IDE: variants seen among roughly 807,000 people sequenced by gnomAD.
IDE encodes the protein insulin degrading enzyme.
Under a neutral mutation model 133.2 loss-of-function variants are expected in IDE, and 58 were observed. That is an observed-to-expected ratio of 0.44 (90% CI 0.35 to 0.54). The LOEUF (loss-of-function observed/expected upper bound fraction) is 0.54. IDE is among the 20% of genes least tolerant of loss of function. The pLI is 0.00. For synonymous variants in IDE, 396 were observed against 421.3 expected (o/e 0.94, Z 0.73); for missense variants, 981 against 1,234.0 (o/e 0.79, Z 3.07).
chr10:92,454,139 G>A lies in IDE; in HGVS notation c.*305C>T, dbSNP rs1844868116. 4.8e-6 allele frequency: 1 copy of A among 210,188 alleles called. No homozygotes were observed. The highest frequency in any genetic ancestry group is 2.3e-5 in the African/African-American group (1 of 43,122). The allele number at this position is 210,188 out of a possible 1,614,324, so 13.0% of individuals were successfully genotyped here. On this transcript the variant is annotated 3_prime_UTR_variant, in exon 25 of 25. Transcript: ENST00000265986. Reference sequence around the variant, plus strand: ...GGACAAGTGACTATTTTACAGAATAGGGAAGGAAGATTCTATAGGAATATC... The same window carrying A: ...GGACAAGTGACTATTTTACAGAATAAGGAAGGAAGATTCTATAGGAATATC...
intron 10 of IDE, among the ~76,000 whole-genome samples, chr10:92,506,054 T>G (rs115027880): frequency 6.6e-6 from 1 of 151,730 alleles, no homozygotes; most frequent in Non-Finnish European, 1.5e-5. Context: ...AAGAGGAAAA[T>G]AGGGATCGCA....
chr10:92,499,360 G>T (rs1847886161), intron 11 of IDE, among the ~76,000 whole-genome samples: 1 of 151,834 alleles, frequency 6.6e-6, no homozygotes, highest in Non-Finnish European at 1.5e-5. Context: ...GGCCAGGCTG[G>T]TCTTGAACTC....
At chr10:92,508,288 G>T in intron 7 of IDE, 83 bp from the exon 8 acceptor site, 1 of 1,011,418 alleles carries the variant, frequency 9.9e-7, no homozygotes, top group Non-Finnish European at 1.5e-6. Flanking sequence ...AATTCATACT[G>T]TATGTTCCTA....
intron 4 of IDE, among the ~76,000 whole-genome samples, chr10:92,516,755 G>A (rs577206243): frequency 6.6e-6 from 1 of 152,266 alleles, no homozygotes; most frequent in African/African-American, 2.4e-5. Context: ...TCATAGATGT[G>A]ATCTAGACTG....
At chr10:92,501,663 C>A (rs569686241) in intron 11 of IDE, among the ~76,000 whole-genome samples, 1 of 144,240 alleles carries the variant, frequency 6.9e-6, no homozygotes, top group African/African-American at 2.6e-5. Flanking sequence ...AGCGAGACTC[C>A]GTCTAAAAAA....
At chr10:92,537,614 TCA>T in intron 1 of IDE, 64 bp from the exon 2 acceptor site, 1 of 1,215,300 alleles carries the variant, frequency 8.2e-7, no homozygotes. Flanking sequence ...AACAATAACG[TCA>T]AGTAAACCCA....
At chr10:92,467,550 G>A (rs1006113190) in intron 19 of IDE, among the ~76,000 whole-genome samples, 1 of 152,164 alleles carries the variant, frequency 6.6e-6, no homozygotes, top group African/African-American at 2.4e-5. Flanking sequence ...AGGGTACTTA[G>A]GAGGCAAAAG....
At position 92,479,351 on chromosome 10, in the gene IDE, G is replaced by C; in HGVS notation, c.1810C>G (p.Leu604Val). ...TCTGCTGCATATGCATACTCGTTGA[G>C]TGAGTCTTTGAGGAGCTCAAGGTAC... ...YLYLELLKDS[L>V]NEYAYAAELA... Residue 604 changes from leucine (L) to valine (V), a missense_variant, in exon 15 of 25, where the codon CTC (leucine) becomes GTC (valine). Leu to Val is a conservative substitution (Grantham distance 32). This residue lies in a region of IDE where 660 missense variants were observed against 894.7 expected (regional missense o/e 0.74). Transcript: ENST00000265986. The C allele has an allele frequency of 6.2e-7, 1 of 1,613,464 alleles. No individual in the cohort carries two copies. Among genetic ancestry groups the C allele is most frequent in the Non-Finnish European group, 8.5e-7 (1 of 1,179,360 alleles).
At chr10:92,564,408 A>T (rs1423164637) in intron 1 of IDE, among the ~76,000 whole-genome samples, 1 of 152,174 alleles carries the variant, frequency 6.6e-6, no homozygotes, top group Non-Finnish European at 1.5e-5. Flanking sequence ...AAGGTAACTT[A>T]CACCTGTAAT....
chr10:92,482,308 A>C (rs1299628075), intron 14 of IDE, among the ~76,000 whole-genome samples: 1 of 152,250 alleles, frequency 6.6e-6, no homozygotes, highest in Non-Finnish European at 1.5e-5. Flanking sequence ...AAACTCACAA[A>C]GTAAAATCTG....
chr10:92,573,706 C>A (rs1346266401), intron 1 of IDE, among the ~76,000 whole-genome samples: 2 of 152,244 alleles, frequency 1.3e-5, no homozygotes. Context: ...AGGGACGTCC[C>A]CGACTCTGGA....
At chr10:92,538,913 A>G (rs1842157286) in intron 1 of IDE, among the ~76,000 whole-genome samples, 1 of 152,172 alleles carries the variant, frequency 6.6e-6, no homozygotes, top group African/African-American at 2.4e-5. Flanking sequence ...CTTCTTACCT[A>G]CAAGACAAAA....
At chr10:92,465,620 G>C in intron 20 of IDE, 56 bp downstream of exon 20, 1 of 1,463,106 alleles carries the variant, frequency 6.8e-7, no homozygotes, top group East Asian at 2.3e-5. Context: ...TGTTTTACAG[G>C]GAAAATAATT....
chr10:92,538,960 T>C (rs1038643470), intron 1 of IDE, among the ~76,000 whole-genome samples: 5 of 152,198 alleles, frequency 3.3e-5, no homozygotes, highest in African/African-American at 1.2e-4. Context: ...GACTGACAGC[T>C]AGATTTAAAC....
At chr10:92,539,948 A>G (rs1355335565) in intron 1 of IDE, among the ~76,000 whole-genome samples, 1 of 152,040 alleles carries the variant, frequency 6.6e-6, no homozygotes, top group Non-Finnish European at 1.5e-5. Flanking sequence ...GGAACCTCAG[A>G]TAACAGTCCT....
rs980088177 is a variant in IDE, at chr10:92,531,723, T to C, written c.661+25A>G. ...GCAGTGGCCATGGGTTTAAATGAGGTCAAGGAAAGCAGCTGTTGACAAACC... is the reference window on the plus strand; with the variant it reads ...GCAGTGGCCATGGGTTTAAATGAGGCCAAGGAAAGCAGCTGTTGACAAACC... On this transcript the variant is annotated intron_variant, in intron 4 of 24. Coordinates refer to ENST00000265986, the MANE Select transcript of IDE (RefSeq NM_004969.4). 5.9e-6 allele frequency: 9 copies of C among 1,519,404 alleles called. No individual in the cohort carries two copies. In the African/African-American group the frequency reaches 8.2e-5, roughly 14 times the overall value. The allele number at this position is 1,519,404 out of a possible 1,614,324, so 94.1% of individuals were successfully genotyped here. A position where few individuals can be genotyped will look rare whatever the true frequency, so the allele number is the denominator to read the frequency against.
chr10:92,457,819 A>C (rs1845110952), intron 22 of IDE, among the ~76,000 whole-genome samples: 1 of 152,166 alleles, frequency 6.6e-6, no homozygotes. Context: ...GTTGCACAGC[A>C]ATCCTGCCCG....
chr10:92,509,620 AC>A, intron 6 of IDE, among the ~76,000 whole-genome samples: 1 of 151,776 alleles, frequency 6.6e-6, no homozygotes, highest in African/African-American at 2.4e-5. Context: ...AAACAAACAA[AC>A]AAAAAACACT....
rs144649005 is a variant in IDE at position 92,554,606 on chromosome 10, G to C, written c.99-17056C>G. The stretch of plus-strand genomic sequence containing the variant: ...CTCATGCCTGTAATCCCAACACTTT[G>C]AGAGGCCAAGGCAGGCGGATCACTT... On this transcript the variant is annotated intron_variant, in intron 1 of 24. Transcript: ENST00000265986. 4.6e-5 allele frequency: 7 copies of C among 150,970 alleles called. No homozygotes were observed. In the East Asian group the frequency reaches 9.7e-4, roughly 21 times the overall value. 9.4% of individuals were successfully genotyped at this position (150,970 alleles called of 1,614,324 possible).
Sources: allele counts gnomAD v4.1 joint callset (sites outside exome capture counted in the v4.1 genomes callset), GRCh38; gene constraint gnomAD v4.1.1; regional missense constraint gnomAD v4.1.1; transcripts MANE v1.5; gene names NCBI Gene and HGNC (gene_info 2026-07-23, HGNC 2026-07-21).